The following PTPRD variants were observed in gnomAD, a reference collection of about 807,000 sequenced individuals.
The protein encoded by PTPRD is receptor-type tyrosine-protein phosphatase delta.
In PTPRD, 34 loss-of-function variants were observed where a neutral mutation model predicts 214.5. The ratio of observed to expected loss-of-function variants is 0.16; its 90% confidence interval spans 0.12 to 0.21. The LOEUF (loss-of-function observed/expected upper bound fraction) is 0.21, where lower values mean the gene tolerates loss of function less well. PTPRD is among the 10% of genes least tolerant of loss of function. The pLI, the probability that PTPRD is intolerant of heterozygous loss-of-function variation, is 1.00. For missense variants in PTPRD, 2,545 were observed against 2,398.7 expected (o/e 1.06, Z -1.27); for synonymous variants, 1,128 against 845.7 (o/e 1.33, Z -5.79).
chr9:8,437,105 A>C lies in PTPRD; in HGVS notation c.3989-416T>G. 3 of 868,684 alleles carry C rather than the reference A, an allele frequency of 3.5e-6. No homozygotes were observed. The South Asian group carries it at 5.1e-5, about 15-fold the overall frequency. The allele number at this position is 868,684 out of a possible 1,614,324, so 53.8% of individuals were successfully genotyped here. A position where few individuals can be genotyped will look rare whatever the true frequency, so the allele number is the denominator to read the frequency against. On this transcript the variant is annotated intron_variant, in intron 34 of 45. Transcript: ENST00000381196. ...GGAATTAAATGGTGTAAAGTGAAATAAGAAAACAGACACTGAGAAAGGCCT... is the reference window on the plus strand; with the variant it reads ...GGAATTAAATGGTGTAAAGTGAAATCAGAAAACAGACACTGAGAAAGGCCT...
chr9:8,465,574 C>T lies in PTPRD; in HGVS notation c.3606G>A (p.Glu1202=), dbSNP rs2134465136. 2.5e-6 allele frequency: 4 copies of T among 1,612,566 alleles called. No individual in the cohort carries two copies. Among genetic ancestry groups the T allele is most frequent in the Non-Finnish European group, 8.5e-7 (1 of 1,179,074 alleles). ...AATGCTTGTCATCCCCCAGGGTGAA[C>T]TCAGTGGGAAGGACATCAAAGTGAG... ...IAAHFDVLPT[E]FTLGDDKHYG... Residue 1202 remains glutamate, a synonymous_variant, in exon 32 of 46, where the codon GAG becomes GAA. Coordinates refer to ENST00000381196, the MANE Select transcript of PTPRD (RefSeq NM_002839.4).
At chr9:8,965,006 G>C (rs1437207858) in intron 11 of PTPRD, among the ~76,000 whole-genome samples, 1 of 152,010 alleles carries the variant, frequency 6.6e-6, no homozygotes, top group African/African-American at 2.4e-5. Context: ...GTGAAGATGA[G>C]AATATATATT....
intron 7 of PTPRD, among the ~76,000 whole-genome samples, chr9:9,642,723 A>G (rs943489623): frequency 2.0e-5 from 3 of 152,204 alleles, no homozygotes; most frequent in African/African-American, 7.2e-5. Flanking sequence ...GGTAAATAGT[A>G]AGGATCATAT....
chr9:8,654,770 A>C (rs973984777), intron 12 of PTPRD, among the ~76,000 whole-genome samples: 2 of 152,188 alleles, frequency 1.3e-5, no homozygotes, highest in African/African-American at 4.8e-5. Flanking sequence ...TGACTACAGT[A>C]ATTGGTTTCC....
chr9:8,429,927 C>A (rs959719220), intron 35 of PTPRD, among the ~76,000 whole-genome samples: 2 of 152,172 alleles, frequency 1.3e-5, no homozygotes, highest in African/African-American at 4.8e-5. Flanking sequence ...ACTAACAGAG[C>A]TAGTGCTGAC....
At chr9:10,531,668 G>A (rs2056375043) in intron 2 of PTPRD, among the ~76,000 whole-genome samples, 1 of 152,118 alleles carries the variant, frequency 6.6e-6, no homozygotes, top group Non-Finnish European at 1.5e-5. Flanking sequence ...TGGCTTTAAG[G>A]TGTATGCATG....
intron 8 of PTPRD, among the ~76,000 whole-genome samples, chr9:9,491,901 G>C (rs1242040064): frequency 6.6e-6 from 1 of 151,842 alleles, no homozygotes; most frequent in Non-Finnish European, 1.5e-5. Context: ...AAAGAGCAGA[G>C]ATCAATGAAA....
At chr9:9,682,025 T>C (rs1188406812) in intron 7 of PTPRD, among the ~76,000 whole-genome samples, 2 of 151,836 alleles carry the variant, frequency 1.3e-5, no homozygotes, top group Admixed American at 6.6e-5. Flanking sequence ...TCTCTGACAA[T>C]TGATGAGCCT....
At chr9:9,607,873 A>C (rs928490102) in intron 7 of PTPRD, among the ~76,000 whole-genome samples, 3 of 149,500 alleles carry the variant, frequency 2.0e-5, no homozygotes, top group Non-Finnish European at 4.5e-5. Context: ...AGTGACTGAC[A>C]AAAAAAAAAT....
intron 8 of PTPRD, among the ~76,000 whole-genome samples, chr9:9,446,735 T>A (rs746256317): frequency 6.6e-6 from 1 of 152,090 alleles, no homozygotes; most frequent in African/African-American, 2.4e-5. Context: ...CTTACCTACA[T>A]AATAGAAGTG....
chr9:10,552,891 A>C (rs1221666842), intron 2 of PTPRD, among the ~76,000 whole-genome samples: 2 of 152,212 alleles, frequency 1.3e-5, no homozygotes, highest in Admixed American at 6.5e-5. Flanking sequence ...ATTGGGTCCC[A>C]TGACTCTCCC....
intron 2 of PTPRD, among the ~76,000 whole-genome samples, chr9:10,551,883 G>A (rs1201893135): frequency 6.6e-6 from 1 of 152,130 alleles, no homozygotes; most frequent in Non-Finnish European, 1.5e-5. Context: ...CTTGAAACAT[G>A]CTGTCTTTCA....
At chr9:9,348,451 T>G (rs1241283835) in intron 9 of PTPRD, among the ~76,000 whole-genome samples, 1 of 152,144 alleles carries the variant, frequency 6.6e-6, no homozygotes, top group Non-Finnish European at 1.5e-5. Flanking sequence ...ATCTCTTAAG[T>G]AAAACAGTAA....
rs1569566650 is a variant in PTPRD at position 9,275,072 on chromosome 9, ATAT to A, written c.-202-91712_-202-91710del. ...ATATATATGTATATATATATTATAT[ATAT>A]ATATATAATATATATGTTATATATA... On this transcript the variant is annotated intron_variant, in intron 9 of 45. Coordinates refer to ENST00000381196, the MANE Select transcript of PTPRD (RefSeq NM_002839.4). Among the ~76,000 whole-genome samples, 3 of 75,546 alleles carry A rather than the reference ATAT, an allele frequency of 4.0e-5. No individual in the cohort carries two copies. The East Asian group carries it at 9.9e-4, about 25-fold the overall frequency. 49.6% of individuals were successfully genotyped at this position (75,546 alleles called of 152,430 possible).
chr9:10,193,476 G>C (rs1018673623), intron 3 of PTPRD, among the ~76,000 whole-genome samples: 1 of 152,106 alleles, frequency 6.6e-6, no homozygotes, highest in Admixed American at 6.6e-5. Flanking sequence ...CATGGGAACA[G>C]AGTAATTGTC....
At chr9:10,536,568 T>G (rs1476337993) in intron 2 of PTPRD, among the ~76,000 whole-genome samples, 1 of 152,144 alleles carries the variant, frequency 6.6e-6, no homozygotes, top group African/African-American at 2.4e-5. Context: ...CCATTACAAG[T>G]AGAGTTAGAA....
At chr9:8,951,000 G>A (rs917577445) in intron 11 of PTPRD, among the ~76,000 whole-genome samples, 1 of 151,960 alleles carries the variant, frequency 6.6e-6, no homozygotes, top group Non-Finnish European at 1.5e-5. Context: ...GGGATAAGCT[G>A]GAAGAGTTCA....
At chr9:9,878,492 C>A (rs1486721862) in intron 5 of PTPRD, among the ~76,000 whole-genome samples, 2 of 152,068 alleles carry the variant, frequency 1.3e-5, no homozygotes, top group South Asian at 2.1e-4. Context: ...TAGGCATTAT[C>A]CAGGAGGGGC....
chr9:10,285,985 T>G (rs2095338989), intron 3 of PTPRD, among the ~76,000 whole-genome samples: 1 of 152,194 alleles, frequency 6.6e-6, no homozygotes, highest in South Asian at 2.1e-4. Context: ...AGATTAACTT[T>G]TTAGTTATAT....
Sources: allele counts gnomAD v4.1 joint callset (sites outside exome capture counted in the v4.1 genomes callset), GRCh38; gene constraint gnomAD v4.1.1; transcripts MANE v1.5; gene names NCBI Gene and HGNC (gene_info 2026-07-23, HGNC 2026-07-21).